GAS2: variants seen among roughly 807,000 people sequenced by gnomAD.
GAS2 encodes growth arrest-specific protein 2.
GAS2 carries 20 observed loss-of-function variants against 37.5 expected under a neutral mutation model. The ratio of observed to expected loss-of-function variants is 0.53; its 90% CI spans 0.37 to 0.77. The LOEUF (loss-of-function observed/expected upper bound fraction) is 0.77. Ranked by LOEUF, GAS2 falls within the 30% of genes least tolerant of loss-of-function variation. GAS2 has a pLI of 0.00. For missense variants in GAS2, 336 were observed against 373.4 expected (o/e 0.90, Z 0.82); for synonymous variants, 144 against 132.2 (o/e 1.09, Z -0.61).
At chr11:22,809,038 C>A (rs376618829) in intron 7 of GAS2, among the ~76,000 whole-genome samples, 3 of 152,126 alleles carry the variant, frequency 2.0e-5, no homozygotes. Flanking sequence ...TTTACAGAGG[C>A]GTACACTGAG....
intron 1 of GAS2, among the ~76,000 whole-genome samples, chr11:22,671,890 C>T (rs11026725): frequency 0.072 from 10,883 of 152,100 alleles, 548 homozygotes; most frequent in Non-Finnish European, 0.11. Context: ...TTTCATGTTT[C>T]GTATTCATGG....
chr11:22,792,236 T>G (rs1856201367), intron 7 of GAS2, among the ~76,000 whole-genome samples: 1 of 152,116 alleles, frequency 6.6e-6, no homozygotes, highest in Non-Finnish European at 1.5e-5. Context: ...TGGGCCCTAA[T>G]TAGATAAACA....
intron 7 of GAS2, among the ~76,000 whole-genome samples, chr11:22,788,359 A>T (rs1855917427): frequency 6.6e-6 from 1 of 152,168 alleles, no homozygotes; most frequent in East Asian, 1.9e-4. Context: ...GATTTTTCAA[A>T]CTCAGGCTCT....
chr11:22,762,819 A>T lies in GAS2; in HGVS notation c.723+6866A>T, dbSNP rs577275148. 8.5e-5 allele frequency among the ~76,000 whole-genome samples: 13 copies of T among 152,308 alleles called. No homozygotes were observed. In the South Asian group the frequency reaches 2.7e-3, roughly 32 times the overall value. On this transcript the variant is annotated intron_variant, in intron 7 of 7. Transcript: ENST00000454584. ...AGGCAAAATTAACTAGAATTCTATAATAAGACATATTGCTATCTGTCCTGA... is the reference window on the plus strand; with the variant it reads ...AGGCAAAATTAACTAGAATTCTATATTAAGACATATTGCTATCTGTCCTGA...
intron 2 of GAS2, among the ~76,000 whole-genome samples, chr11:22,680,795 G>A (rs1290414553): frequency 6.6e-6 from 1 of 152,122 alleles, no homozygotes; most frequent in Non-Finnish European, 1.5e-5. Flanking sequence ...ATGGAAAATA[G>A]TCATTTGTGT....
At chr11:22,638,582 A>G (rs907080047) in intron 1 of GAS2, among the ~76,000 whole-genome samples, 1 of 151,944 alleles carries the variant, frequency 6.6e-6, no homozygotes, top group Non-Finnish European at 1.5e-5. Context: ...CTGACCTCAA[A>G]TGATCCTCCT....
intron 5 of GAS2, among the ~76,000 whole-genome samples, chr11:22,746,344 C>T (rs1207141885): frequency 6.6e-6 from 1 of 152,144 alleles, no homozygotes; most frequent in South Asian, 2.1e-4. Flanking sequence ...TTCAACCCAT[C>T]AATCGCGTTA....
At chr11:22,797,298 A>G (rs1487569614) in intron 7 of GAS2, among the ~76,000 whole-genome samples, 1 of 152,054 alleles carries the variant, frequency 6.6e-6, no homozygotes, top group African/African-American at 2.4e-5. Context: ...TTCCAGAAAG[A>G]GGCTACTTGA....
chr11:22,797,277 C>A (rs957759594), intron 7 of GAS2, among the ~76,000 whole-genome samples: 1 of 152,036 alleles, frequency 6.6e-6, no homozygotes, highest in African/African-American at 2.4e-5. Flanking sequence ...TGCTGCTTTT[C>A]CCATGTTTGC....
At position 22,694,320 on chromosome 11, in the gene GAS2, T is replaced by G. The variant is rs562161919; in HGVS notation, c.267+8531T>G. Among the ~76,000 whole-genome samples the G allele has an allele frequency of 2.3e-3, 355 of 152,298 alleles. 2 individuals are homozygous for G. Among genetic ancestry groups the G allele is most frequent in the African/African-American group, 8.2e-3 (340 of 41,586 alleles). Reference sequence around the variant, plus strand: ...TGTATTCTGTCCGCCATATCCACTTTGCCTCTGGAAATTAAGTGCCAACGT... The same window carrying G: ...TGTATTCTGTCCGCCATATCCACTTGGCCTCTGGAAATTAAGTGCCAACGT... On this transcript the variant is annotated intron_variant, in intron 3 of 7. Coordinates refer to ENST00000454584, the MANE Select transcript of GAS2 (RefSeq NM_001143830.3).
intron 3 of GAS2, among the ~76,000 whole-genome samples, chr11:22,694,266 T>C (rs1397536000): frequency 2.0e-5 from 3 of 152,188 alleles, no homozygotes; most frequent in Non-Finnish European, 2.9e-5. Flanking sequence ...TTTAGGTCAT[T>C]CTAGGAGATC....
In GAS2 at chr11:22,627,463, TTTAA is replaced by T. The variant is rs566972237; in HGVS notation, c.-21+1654_-21+1657del. Among the ~76,000 whole-genome samples the T allele has an allele frequency of 5.3e-5, 8 of 152,290 alleles. 1 individual carries two copies. In the South Asian group the frequency reaches 1.0e-3, roughly 20 times the overall value. On this transcript the variant is annotated intron_variant, in intron 1 of 5. Transcript: ENST00000528582. The stretch of plus-strand genomic sequence containing the variant: ...AAGTCTTAGGGGATAGGAAGGTCTC[TTTAA>T]TTACTGACTTTTCAGGCCGGAGGCA...
At chr11:22,682,791 A>T (rs1434386335) in intron 2 of GAS2, among the ~76,000 whole-genome samples, 1 of 142,384 alleles carries the variant, frequency 7.0e-6, no homozygotes, top group Admixed American at 7.6e-5. Context: ...GGTTGCAGTG[A>T]GCCAAGATCG....
chr11:22,797,534 T>G (rs1299118833), intron 7 of GAS2, among the ~76,000 whole-genome samples: 1 of 152,074 alleles, frequency 6.6e-6, no homozygotes, highest in Non-Finnish European at 1.5e-5. Context: ...TTTATGTATG[T>G]ATGATTTATC....
chr11:22,706,796 T>C (rs337456), intron 3 of GAS2, among the ~76,000 whole-genome samples: 148,308 of 151,836 alleles, frequency 0.98, 72,546 homozygotes, highest in Middle Eastern at 1. Flanking sequence ...AATAAACATA[T>C]GTGTGCATGT....
At chr11:22,672,637 G>A (rs1473684375) in intron 1 of GAS2, 6 of 152,178 alleles carry the variant, frequency 3.9e-5, no homozygotes, top group Non-Finnish European at 7.4e-5. Flanking sequence ...AGTAGTGGAA[G>A]AGATTGTGTC....
chr11:22,791,877 A>G (rs1856182268), intron 7 of GAS2, among the ~76,000 whole-genome samples: 1 of 152,174 alleles, frequency 6.6e-6, no homozygotes, highest in Admixed American at 6.5e-5. Flanking sequence ...TGAATTGAAA[A>G]CAATTAGGAA....
chr11:22,658,825 C>T (rs192948884), intron 1 of GAS2, among the ~76,000 whole-genome samples: 147 of 152,200 alleles, frequency 9.7e-4, no homozygotes, highest in African/African-American at 3.4e-3. Context: ...TTGATTCTGC[C>T]ATAGGAGTTT....
chr11:22,666,367 A>G (rs764983985), upstream of GAS2, among the ~76,000 whole-genome samples: 2 of 152,184 alleles, frequency 1.3e-5, no homozygotes, highest in Non-Finnish European at 2.9e-5. Flanking sequence ...AGGAAAGCAA[A>G]AACTTTTCCA....
Sources: allele counts gnomAD v4.1 joint callset (sites outside exome capture counted in the v4.1 genomes callset), GRCh38; gene constraint gnomAD v4.1.1; transcripts MANE v1.5; gene names NCBI Gene and HGNC (gene_info 2026-07-23, HGNC 2026-07-21).